The following CYP2B6 variants were observed in gnomAD, a reference collection of about 807,000 sequenced individuals.
The protein encoded by CYP2B6 is cytochrome P450 2B6.
CYP2B6 carries 35 observed loss-of-function variants against 43.4 expected under a neutral mutation model. The ratio of observed to expected loss-of-function variants is 0.81; its 90% confidence interval spans 0.62 to 1.07. The LOEUF (loss-of-function observed/expected upper bound fraction) is 1.07. CYP2B6 is among the 50% of genes least tolerant of loss of function. CYP2B6 has a pLI of 0.00. For missense variants in CYP2B6, 624 were observed against 632.8 expected (o/e 0.99, Z 0.15); for synonymous variants, 239 against 239.2 (o/e 1.00, Z 0.01).
rs568634169 is a variant in CYP2B6, at chr19:41,010,693, C to T, written c.964+558C>T. Among the ~76,000 whole-genome samples the T allele has an allele frequency of 5.3e-5, 8 of 152,070 alleles. No individual in the cohort carries two copies. In the South Asian group the frequency reaches 1.5e-3, roughly 28 times the overall value. On this transcript the variant is annotated intron_variant, in intron 6 of 8. Coordinates refer to ENST00000324071, the MANE Select transcript of CYP2B6 (RefSeq NM_000767.5). Reference sequence around the variant, plus strand: ...GGTACATATGCAGTTTTGTTACATGCGTAGGTTTTGTAATGGTCAAGTTTG... The same window carrying T: ...GGTACATATGCAGTTTTGTTACATGTGTAGGTTTTGTAATGGTCAAGTTTG...
chr19:41,008,663 T>A (rs1969232449), intron 4 of CYP2B6, among the ~76,000 whole-genome samples: 1 of 151,878 alleles, frequency 6.6e-6, no homozygotes, highest in African/African-American at 2.4e-5. Context: ...ACAATGGTTA[T>A]CTCTAGAAGG....
intron 4 of CYP2B6, among the ~76,000 whole-genome samples, chr19:41,008,788 C>T (rs529762801): frequency 3.3e-5 from 5 of 152,282 alleles, no homozygotes; most frequent in South Asian, 2.1e-4. Flanking sequence ...CTCCAAAATA[C>T]GTAGTCCTAA....
chr19:41,002,177 C>T (rs906726159), intron 1 of CYP2B6, among the ~76,000 whole-genome samples: 9 of 152,064 alleles, frequency 5.9e-5, no homozygotes, highest in Middle Eastern at 3.4e-3. Context: ...TTGGTGAGCA[C>T]GTGGATATTA....
rs150648484 is a variant in CYP2B6, at chr19:41,018,223, C to T, written c.*1396C>T. 1.3e-3 allele frequency: 205 copies of T among 152,372 alleles called. No individual in the cohort carries two copies. The highest frequency in any genetic ancestry group is 4.8e-3 in the African/African-American group (198 of 41,560). 9.4% of individuals were successfully genotyped at this position (152,372 alleles called of 1,614,324 possible). ...ACAGTCACACACTGCTGTAGTCTTCCCCAGTCCTCATTCCCAGCTGCCTCT... is the reference window on the plus strand; with the variant it reads ...ACAGTCACACACTGCTGTAGTCTTCTCCAGTCCTCATTCCCAGCTGCCTCT... On this transcript the variant is annotated 3_prime_UTR_variant, in exon 9 of 9. Transcript: ENST00000324071.
rs1969330582 is a variant in CYP2B6, at chr19:41,014,444, T to A, written c.1294+1629T>A. ...CCTCAGCCTCCCGAGTACCTGAAAC[T>A]ACGGGCGCATGCCACCATGCCTGGC... is the stretch of plus-strand genomic sequence containing the variant. On this transcript the variant is annotated intron_variant, in intron 8 of 8. Transcript: ENST00000324071. Among the ~76,000 whole-genome samples the A allele has an allele frequency of 2.0e-5, 3 of 152,084 alleles. No homozygotes were observed. In the South Asian group the frequency reaches 6.2e-4, roughly 31 times the overall value.
In CYP2B6 at chr19:40,993,609, GATTACA is replaced by G. The variant is rs1968956010; in HGVS notation, c.171+2137_171+2142del. On this transcript the variant is annotated intron_variant, in intron 1 of 8. Transcript: ENST00000324071. ...CTAGGTCCTTCCCTCCACACCTGGG[GATTACA>G]ATTCAAGATGAGATTTGGGTGAGGA... Among the ~76,000 whole-genome samples, 3 of 152,058 alleles carry G rather than the reference GATTACA, an allele frequency of 2.0e-5. No homozygotes were observed. The South Asian group carries it at 6.2e-4, about 32-fold the overall frequency.
At chr19:41,010,228 T>C (rs1969259759) in intron 6 of CYP2B6, 93 bp downstream of exon 6, 1 of 1,500,114 alleles carries the variant, frequency 6.7e-7, no homozygotes, top group African/African-American at 1.4e-5. Flanking sequence ...AGAGAGGGGA[T>C]GCTGGCTTCC....
At chr19:40,999,100 T>C (rs1011632643) in intron 1 of CYP2B6, among the ~76,000 whole-genome samples, 53 of 150,636 alleles carry the variant, frequency 3.5e-4, no homozygotes, top group African/African-American at 1.3e-3. Flanking sequence ...TTTCCTGACT[T>C]TTTAATGATT....
chr19:41,008,577 C>T (rs915810218), intron 4 of CYP2B6, among the ~76,000 whole-genome samples: 8 of 148,768 alleles, frequency 5.4e-5, no homozygotes, highest in South Asian at 2.2e-4. Context: ...GTAACAAGCC[C>T]GACCAGTAAT....
At chr19:40,995,386 G>T (rs1352917129) in intron 1 of CYP2B6, among the ~76,000 whole-genome samples, 1 of 152,070 alleles carries the variant, frequency 6.6e-6, no homozygotes, top group Non-Finnish European at 1.5e-5. Context: ...AGAAGAACTT[G>T]GCATTGTCCT....
In CYP2B6 at chr19:41,008,270, A is replaced by G. The variant is rs184801529; in HGVS notation, c.646-949A>G. Among the ~76,000 whole-genome samples the G allele has an allele frequency of 3.2e-3, 482 of 151,144 alleles. 4 individuals are homozygous for G. The highest frequency in any genetic ancestry group is 0.022 in the South Asian group (103 of 4,724). Reference sequence around the variant, plus strand: ...TCTGTTACTCAGGCTGGAGTGCAGTAGTGTGATCTCAACTCCCTGCCACCT... The same window carrying G: ...TCTGTTACTCAGGCTGGAGTGCAGTGGTGTGATCTCAACTCCCTGCCACCT... On this transcript the variant is annotated intron_variant, in intron 4 of 8. Transcript: ENST00000324071.
In CYP2B6 at chr19:41,007,055, T is replaced by C; in HGVS notation, c.635T>C (p.Val212Ala). The change falls in exon 4 of 9, where the codon GTA becomes GCA. Residue 212 changes from valine (V) to alanine (A), a missense_variant. Coordinates refer to ENST00000324071, the MANE Select transcript of CYP2B6 (RefSeq NM_000767.5). ...FYQTFSLISS[V>A]FGQLFELFSG... is the part of the protein sequence containing the mutation. ...CAGACTTTTTCACTCATCAGCTCTGTATTCGGCCAGGTCAGGGAGACGGAG... is the reference window on the plus strand; with the variant it reads ...CAGACTTTTTCACTCATCAGCTCTGCATTCGGCCAGGTCAGGGAGACGGAG... The C allele has an allele frequency of 3.1e-6, 5 of 1,614,080 alleles. No individual in the cohort carries two copies. Among genetic ancestry groups the C allele is most frequent in the Non-Finnish European group, 4.2e-6 (5 of 1,180,036 alleles).
At chr19:40,995,067 GC>G (rs1322206784) in intron 1 of CYP2B6, among the ~76,000 whole-genome samples, 1 of 152,080 alleles carries the variant, frequency 6.6e-6, no homozygotes, top group Non-Finnish European at 1.5e-5. Context: ...TAGAGTATAA[GC>G]CTTTGCTAAA....
chr19:40,992,308 G>A (rs1243903488), intron 1 of CYP2B6, among the ~76,000 whole-genome samples: 1 of 151,152 alleles, frequency 6.6e-6, no homozygotes, highest in African/African-American at 2.4e-5. Flanking sequence ...CTCCCCTTTT[G>A]GTCAGCCTCA....
intron 4 of CYP2B6, among the ~76,000 whole-genome samples, chr19:41,008,583 G>A (rs1363809298): frequency 1.6e-4 from 24 of 149,938 alleles, no homozygotes; most frequent in East Asian, 9.7e-4. Context: ...AGCCCGACCA[G>A]TAATTCTAAT....
rs182827431 is a variant in CYP2B6 at position 41,012,556 on chromosome 19, C to T, written c.1152+71C>T. 371 of 1,608,274 alleles carry T rather than the reference C, an allele frequency of 2.3e-4. No individual in the cohort carries two copies. In the African/African-American group the frequency reaches 4.1e-3, roughly 18 times the overall value. ...GATTCTCTTAATCCCCGAACTCAAC[C>T]TTTTGTTAGCTCCTTAATTGAGTCC... On this transcript the variant is annotated intron_variant, in intron 7 of 8. Transcript: ENST00000324071.
At position 41,004,532 on chromosome 19, in the gene CYP2B6, A is replaced by C. The variant is rs1158843590; in HGVS notation, c.484+86A>C. 4 of 1,490,034 alleles carry C rather than the reference A, an allele frequency of 2.7e-6. No individual in the cohort carries two copies. The Admixed American group carries it at 7.6e-5, about 28-fold the overall frequency. 92.3% of individuals were successfully genotyped at this position (1,490,034 alleles called of 1,614,324 possible). A position where few individuals can be genotyped will look rare whatever the true frequency, so the allele number is the denominator to read the frequency against. ...CGGGAATAGAAAGACAGAGAGGTAT[A>C]TAAGGGCACAGACAGAGACAGACGA... On this transcript the variant is annotated intron_variant, in intron 3 of 8. Transcript: ENST00000324071.
intron 6 of CYP2B6, among the ~76,000 whole-genome samples, chr19:41,011,209 A>C (rs980637677): frequency 3.3e-5 from 5 of 152,102 alleles, no homozygotes; most frequent in African/African-American, 9.7e-5. Context: ...ATTCACCCTT[A>C]ATCCATCCGT....
rs1401668790 is a variant in CYP2B6, at chr19:40,991,298, C to T, written c.-8C>T. The T allele has an allele frequency of 6.2e-7, 1 of 1,614,012 alleles. No homozygotes were observed. The highest frequency in any genetic ancestry group is 8.5e-7 in the Non-Finnish European group (1 of 1,180,006). On this transcript the variant is annotated 5_prime_UTR_variant, in exon 1 of 9. Transcript: ENST00000324071. ...TGCAGCAGGGTGCAGGGCAGTCAGA[C>T]CAGGACCATGGAACTCAGCGTCCTC... is the stretch of plus-strand genomic sequence containing the variant.
Sources: gnomAD v4.1 joint callset for allele counts (sites outside exome capture counted in the v4.1 genomes callset) on GRCh38, gnomAD v4.1.1 for gene constraint, MANE v1.5 for transcripts, NCBI Gene and HGNC (gene_info 2026-07-23, HGNC 2026-07-21) for gene names.